Variants in PCDHA9 observed in about 807,000 individuals in gnomAD.
PCDHA9 encodes the protein protocadherin alpha 9.
Under a neutral mutation model 62.0 loss-of-function variants are expected in PCDHA9, and 62 were observed. That is an observed-to-expected ratio of 1.00 (90% CI 0.81 to 1.23). The LOEUF is 1.23. PCDHA9 is among the 50% of genes most tolerant of loss of function. The probability of loss-of-function intolerance (pLI) is 0.00; values close to 1 mark genes in which losing one functional copy is unlikely to be tolerated. For synonymous variants in PCDHA9, 557 were observed against 567.6 expected, an observed-to-expected ratio of 0.98 and a Z score of 0.27; for missense variants, 1,205 against 1,249.8, an observed-to-expected ratio of 0.96 and a Z score of 0.54.
At chr5:140,913,092 C>T (rs1293188459) in intron 1 of PCDHA9, among the ~76,000 whole-genome samples, 1 of 152,134 alleles carries the variant, frequency 6.6e-6, no homozygotes, top group Non-Finnish European at 1.5e-5. Flanking sequence ...CAGGATAATA[C>T]TGGCCTCATA....
At chr5:140,862,588 G>A in intron 1 of PCDHA9, 1 of 501,458 alleles carries the variant, frequency 2.0e-6, no homozygotes, top group Non-Finnish European at 4.1e-6. Context: ...CCAGCAGCCC[G>A]AGTACATGGT....
At chr5:140,863,033 C>T (rs1554157551) in intron 1 of PCDHA9, 1 of 557,426 alleles carries the variant, frequency 1.8e-6, no homozygotes, top group Admixed American at 1.9e-5. Context: ...GCAACAGCTG[C>T]ATCTGTCAGC....
intron 1 of PCDHA9, among the ~76,000 whole-genome samples, chr5:140,898,932 A>G (rs1330684874): frequency 6.6e-6 from 1 of 151,964 alleles, no homozygotes; most frequent in Admixed American, 6.6e-5. Flanking sequence ...ATTCCTAAGT[A>G]TTTTATTCTC....
intron 1 of PCDHA9, chr5:140,928,939 T>G (rs367874769): frequency 6.2e-7 from 1 of 1,614,012 alleles, no homozygotes; most frequent in African/African-American, 1.3e-5. Context: ...CCAGAACTTG[T>G]ATTTAGTAAT....
intron 1 of PCDHA9, chr5:140,870,758 T>C: frequency 1.2e-6 from 2 of 1,613,530 alleles, no homozygotes; most frequent in African/African-American, 2.7e-5. Flanking sequence ...ACGCTGCAGG[T>C]GTTCGTGCTG....
intron 1 of PCDHA9, among the ~76,000 whole-genome samples, chr5:140,901,034 T>C (rs573919271): frequency 6.6e-6 from 1 of 152,240 alleles, no homozygotes; most frequent in Non-Finnish European, 1.5e-5. Context: ...TCAACTCTTT[T>C]GCCCATTTTA....
At chr5:140,871,121 A>G (rs1554165161) in intron 1 of PCDHA9, 4 of 1,613,320 alleles carry the variant, frequency 2.5e-6, no homozygotes, top group Non-Finnish European at 3.4e-6. Context: ...GAGAGCGGAC[A>G]GGCGCCAAAG....
intron 1 of PCDHA9, chr5:140,930,019 T>G (rs1454076883): frequency 6.6e-6 from 1 of 152,222 alleles, no homozygotes; most frequent in Non-Finnish European, 1.5e-5. Context: ...GATAGCTCCA[T>G]AGCAGTGTTT....
chr5:140,922,581 C>T (rs893700923), intron 1 of PCDHA9, among the ~76,000 whole-genome samples: 2 of 152,104 alleles, frequency 1.3e-5, no homozygotes, highest in Non-Finnish European at 2.9e-5. Context: ...GCCCTGTAGC[C>T]GCCAGTTCTC....
intron 3 of PCDHA9, among the ~76,000 whole-genome samples, chr5:140,986,653 A>T (rs61089397): frequency 0.012 from 1,845 of 152,236 alleles, 43 homozygotes; most frequent in African/African-American, 0.043. Context: ...AGAGTGGGAG[A>T]TGCTCACAGT....
intron 1 of PCDHA9, among the ~76,000 whole-genome samples, chr5:140,915,164 G>T (rs782783727): frequency 2.6e-5 from 4 of 152,026 alleles, no homozygotes; most frequent in Non-Finnish European, 4.4e-5. Flanking sequence ...GGCCAGGATA[G>T]TCTCGATCTC....
Position 140,888,304 on chromosome 5 carries a change from T to C in PCDHA9, c.2394+37415T>C, listed in dbSNP as rs560267265. Among the ~76,000 whole-genome samples the C allele has an allele frequency of 9.2e-5, 14 of 152,272 alleles. No homozygotes were observed. The South Asian group carries it at 2.7e-3, about 29-fold the overall frequency. On this transcript the variant is annotated intron_variant, in intron 1 of 3. Transcript: ENST00000532602. The stretch of plus-strand genomic sequence containing the variant: ...CCTCTACCCCCTACCCAGGAGATAA[T>C]TTGGCAATGCCTGGATACATTTTTG...
intron 1 of PCDHA9, among the ~76,000 whole-genome samples, chr5:140,878,538 C>T (rs1001402199): frequency 3.9e-5 from 6 of 152,088 alleles, no homozygotes; most frequent in Non-Finnish European, 7.4e-5. Context: ...TGGCTCAAAC[C>T]AGTTTCAGAT....
chr5:140,856,215 C>A lies in PCDHA9; in HGVS notation c.2394+5326C>A, dbSNP rs781995878. ...GCGCAGGACCTGGGGCTGGAGCTGGCGGAGCTGGTGCAGCGCCTGTTCCGG... is the reference window on the plus strand; with the variant it reads ...GCGCAGGACCTGGGGCTGGAGCTGGAGGAGCTGGTGCAGCGCCTGTTCCGG... On this transcript the variant is annotated intron_variant, in intron 1 of 3. Coordinates refer to ENST00000532602, the MANE Select transcript of PCDHA9 (RefSeq NM_031857.2). 3 of 1,597,902 alleles carry A rather than the reference C, an allele frequency of 1.9e-6. No individual in the cohort carries two copies. Among genetic ancestry groups the A allele is most frequent in the African/African-American group, 1.3e-5 (1 of 74,266 alleles).
In PCDHA9 at chr5:140,959,152, A is replaced by C. The variant is rs182353196; in HGVS notation, c.2395-19797A>C. 1.3e-4 allele frequency among the ~76,000 whole-genome samples: 20 copies of C among 152,108 alleles called. No individual in the cohort carries two copies. The East Asian group carries it at 3.9e-3, about 30-fold the overall frequency. ...CCCACTTTGGGAGGCCAAAGTGGGC[A>C]GATTGCTTGACCCCAGGAGTTCAGG... On this transcript the variant is annotated intron_variant, in intron 1 of 3. Coordinates refer to ENST00000532602, the MANE Select transcript of PCDHA9 (RefSeq NM_031857.2).
At chr5:140,887,135 C>T (rs2061323683) in intron 1 of PCDHA9, among the ~76,000 whole-genome samples, 1 of 150,802 alleles carries the variant, frequency 6.6e-6, no homozygotes, top group Non-Finnish European at 1.5e-5. Context: ...CTCACTCTGT[C>T]GCCCAGGCTG....
At chr5:140,886,742 C>T (rs2061110620) in intron 1 of PCDHA9, among the ~76,000 whole-genome samples, 1 of 149,008 alleles carries the variant, frequency 6.7e-6, no homozygotes, top group Non-Finnish European at 1.5e-5. Flanking sequence ...AAGAGAATTG[C>T]TTGAACCCGG....
At position 140,848,846 on chromosome 5, in the gene PCDHA9, C is replaced by G; in HGVS notation, c.351C>G (p.Phe117Leu). The G allele has an allele frequency of 6.3e-7, 1 of 1,590,530 alleles. No homozygotes were observed. The highest frequency in any genetic ancestry group is 8.6e-7 in the Non-Finnish European group (1 of 1,162,110). ...EVIVDRPLQVFHVDVEVKDIN... is the reference protein window; with the variant it reads ...EVIVDRPLQVLHVDVEVKDIN... ...TCGTAGACAGGCCGCTGCAGGTTTT[C>G]CATGTGGACGTGGAGGTGAAGGACA... The change falls in exon 1 of 4, where the codon TTC (phenylalanine) becomes TTG (leucine). Residue 117 changes from phenylalanine (F) to leucine (L), a missense_variant. Phe to Leu is a conservative substitution (Grantham distance 22). Coordinates refer to ENST00000532602, the MANE Select transcript of PCDHA9 (RefSeq NM_031857.2).
intron 1 of PCDHA9, chr5:140,882,302 C>T (rs2059055627): frequency 1.2e-6 from 2 of 1,613,794 alleles, no homozygotes; most frequent in Non-Finnish European, 8.5e-7. Context: ...CCCAAGACCG[C>T]GGCAACTACT....
Sources: allele counts gnomAD v4.1 joint callset (sites outside exome capture counted in the v4.1 genomes callset), GRCh38; gene constraint gnomAD v4.1.1; transcripts MANE v1.5; gene names NCBI Gene and HGNC (gene_info 2026-07-23, HGNC 2026-07-21).